Variants in RBFOX1 observed in about 807,000 individuals in gnomAD.
RBFOX1 encodes the protein RNA binding fox-1 homolog 1, also known as RNA binding protein fox-1 homolog 1.
Under a neutral mutation model 57.7 loss-of-function variants are expected in RBFOX1, and 8 were observed. The ratio of observed to expected loss-of-function variants is 0.14; its 90% CI spans 0.08 to 0.25. The LOEUF is 0.25. Ranked by LOEUF, RBFOX1 falls within the 10% of genes least tolerant of loss-of-function variation. The pLI, the probability that RBFOX1 is intolerant of heterozygous loss-of-function variation, is 1.00. For missense variants in RBFOX1, 611 were observed against 548.5 expected (o/e 1.11, Z -1.14); for synonymous variants, 326 against 222.4 (o/e 1.47, Z -4.15).
intron 4 of RBFOX1, among the ~76,000 whole-genome samples, chr16:5,962,543 C>G (rs2059770075): frequency 6.6e-6 from 1 of 152,106 alleles, no homozygotes; most frequent in Non-Finnish European, 1.5e-5. Context: ...ACTCCTTTGT[C>G]TCATTGGGTC....
intron 2 of RBFOX1, among the ~76,000 whole-genome samples, chr16:6,339,465 T>C (rs971637520): frequency 1.3e-5 from 2 of 152,128 alleles, no homozygotes; most frequent in Admixed American, 1.3e-4. Flanking sequence ...GCTAGGGTTC[T>C]TGGAGAGGGC....
chr16:7,217,822 T>G (rs1388109159), intron 4 of RBFOX1, among the ~76,000 whole-genome samples: 4 of 152,214 alleles, frequency 2.6e-5, no homozygotes, highest in Non-Finnish European at 4.4e-5. Context: ...CTGAAAGACT[T>G]ACAGCATTGT....
At chr16:7,606,326 T>A (rs1596381633) in intron 9 of RBFOX1, among the ~76,000 whole-genome samples, 1 of 151,480 alleles carries the variant, frequency 6.6e-6, no homozygotes, top group Non-Finnish European at 1.5e-5. Context: ...TTTCACTATG[T>A]TGGCCAGGCT....
chr16:5,324,898 AC>A (rs2064521075), intron 1 of RBFOX1, among the ~76,000 whole-genome samples: 1 of 152,056 alleles, frequency 6.6e-6, no homozygotes, highest in South Asian at 2.1e-4. Flanking sequence ...ACACTGCCAA[AC>A]CCATTTATCC....
chr16:6,809,034 C>T (rs1406220036), intron 3 of RBFOX1, among the ~76,000 whole-genome samples: 1 of 152,164 alleles, frequency 6.6e-6, no homozygotes. Context: ...GCACCTGTAA[C>T]AATAGTTGAG....
Position 7,139,549 on chromosome 16 carries a change from T to C in RBFOX1, c.27+87451T>C, listed in dbSNP as rs570826655. Among the ~76,000 whole-genome samples the C allele has an allele frequency of 7.2e-5, 11 of 152,252 alleles. No homozygotes were observed. In the South Asian group the frequency reaches 1.2e-3, roughly 17 times the overall value. ...GCTTAACATGGTTCCTGGCATATTATCTGTGCTGGATCAAGGGTAAGGGTA... is the reference window on the plus strand; with the variant it reads ...GCTTAACATGGTTCCTGGCATATTACCTGTGCTGGATCAAGGGTAAGGGTA... On this transcript the variant is annotated intron_variant, in intron 4 of 15. Coordinates refer to ENST00000550418, the MANE Select transcript of RBFOX1 (RefSeq NM_018723.4).
chr16:6,999,198 T>C (rs923498988), intron 3 of RBFOX1, among the ~76,000 whole-genome samples: 1 of 117,086 alleles, frequency 8.5e-6, no homozygotes, highest in Non-Finnish European at 1.9e-5. Context: ...TATTTTATTT[T>C]ATTTTTTATT....
chr16:6,707,304 G>A (rs1278850487), intron 3 of RBFOX1, among the ~76,000 whole-genome samples: 1 of 152,212 alleles, frequency 6.6e-6, no homozygotes, highest in East Asian at 1.9e-4. Context: ...TGAGACAGAC[G>A]CATTTCCTCT....
intron 3 of RBFOX1, among the ~76,000 whole-genome samples, chr16:6,755,736 C>G (rs12103163): frequency 0.22 from 33,695 of 152,034 alleles, 3,861 homozygotes; most frequent in South Asian, 0.34. Context: ...TATTCAAAAA[C>G]AACTACTTGT....
chr16:7,538,185 T>C (rs993260998), intron 5 of RBFOX1, among the ~76,000 whole-genome samples: 6 of 151,882 alleles, frequency 4.0e-5, no homozygotes, highest in African/African-American at 1.5e-4. Flanking sequence ...GATCTGAGAG[T>C]GAGAGTTTGT....
chr16:7,166,949 C>T (rs1391722443), intron 4 of RBFOX1, among the ~76,000 whole-genome samples: 2 of 138,870 alleles, frequency 1.4e-5, no homozygotes, highest in Non-Finnish European at 3.0e-5. Flanking sequence ...AGAGAGAAAG[C>T]CCCAGATTGC....
At chr16:6,489,359 G>A (rs912201311) in intron 2 of RBFOX1, among the ~76,000 whole-genome samples, 10 of 152,020 alleles carry the variant, frequency 6.6e-5, no homozygotes, top group Admixed American at 2.0e-4. Context: ...TATATTTGCC[G>A]AGCACTCTTG....
At chr16:7,509,992 C>G (rs1315257698) in intron 4 of RBFOX1, 10 of 186,936 alleles carry the variant, frequency 5.3e-5, no homozygotes, top group Non-Finnish European at 8.7e-5. Context: ...CCTTCCTCCT[C>G]TATATAATCA....
At chr16:5,919,715 C>T (rs1458013088) in intron 4 of RBFOX1, among the ~76,000 whole-genome samples, 3 of 152,150 alleles carry the variant, frequency 2.0e-5, no homozygotes, top group African/African-American at 7.2e-5. Flanking sequence ...ACCTTGATCT[C>T]GTTTCAAAAC....
chr16:7,120,830 T>TATACACAC (rs1226442313), intron 4 of RBFOX1, among the ~76,000 whole-genome samples: 2,786 of 86,500 alleles, frequency 0.032, 85 homozygotes, highest in East Asian at 0.15. Flanking sequence ...TATGTATATA[T>TATACACAC]ACACACACAC....
intron 2 of RBFOX1, among the ~76,000 whole-genome samples, chr16:6,557,046 CAT>C (rs543920460): frequency 0.029 from 3,723 of 126,608 alleles, 160 homozygotes; most frequent in African/African-American, 0.12. Context: ...CATATATATA[CAT>C]ATATATACAT....
intron 4 of RBFOX1, among the ~76,000 whole-genome samples, chr16:7,457,695 T>G (rs751585018): frequency 4.6e-5 from 7 of 152,162 alleles, no homozygotes; most frequent in Non-Finnish European, 8.8e-5. Flanking sequence ...CCTCATATTT[T>G]CAGCCTAAGA....
At chr16:6,387,933 A>T (rs2092385766) in intron 2 of RBFOX1, among the ~76,000 whole-genome samples, 1 of 148,512 alleles carries the variant, frequency 6.7e-6, no homozygotes, top group Non-Finnish European at 1.5e-5. Flanking sequence ...AAAGGTGAGC[A>T]TGCGCACCTA....
At chr16:5,949,085 G>A (rs2059464078) in intron 4 of RBFOX1, among the ~76,000 whole-genome samples, 1 of 152,106 alleles carries the variant, frequency 6.6e-6, no homozygotes, top group Non-Finnish European at 1.5e-5. Flanking sequence ...CATCATGAAT[G>A]ACATGTCCTC....
Sources: allele counts gnomAD v4.1 joint callset (sites outside exome capture counted in the v4.1 genomes callset), GRCh38; gene constraint gnomAD v4.1.1; transcripts MANE v1.5; gene names NCBI Gene and HGNC (gene_info 2026-07-23, HGNC 2026-07-21).